XIRP2: variants seen among roughly 807,000 people sequenced by gnomAD.
XIRP2 encodes the protein xin actin-binding repeat-containing protein 2.
Under a neutral mutation model 277.0 loss-of-function variants are expected in XIRP2, and 236 were observed. The ratio of observed to expected loss-of-function variants is 0.85; its 90% confidence interval spans 0.77 to 0.95. The LOEUF (loss-of-function observed/expected upper bound fraction) is 0.95. XIRP2 is among the 40% of genes least tolerant of loss of function. The pLI is 0.00. For synonymous variants in XIRP2, 1,490 were observed against 1,416.5 expected (o/e 1.05, Z -1.17); for missense variants, 4,640 against 4,157.5 (o/e 1.12, Z -3.19).
At chr2:167,156,673 C>T (rs181935926) in intron 3 of XIRP2, among the ~76,000 whole-genome samples, 83 of 152,224 alleles carry the variant, frequency 5.5e-4, no homozygotes, top group African/African-American at 1.9e-3. Context: ...GATTATGCTT[C>T]GCAGGCATAA....
At chr2:166,961,479 C>G (rs987308908) in intron 2 of XIRP2, among the ~76,000 whole-genome samples, 6 of 151,656 alleles carry the variant, frequency 4.0e-5, no homozygotes, top group African/African-American at 1.5e-4. Flanking sequence ...GCTGAATTAG[C>G]CTTCAAACAG....
At chr2:166,914,248 A>G (rs996735594) in intron 2 of XIRP2, among the ~76,000 whole-genome samples, 14 of 152,198 alleles carry the variant, frequency 9.2e-5, no homozygotes, top group African/African-American at 2.9e-4. Context: ...ATGCTCCCCA[A>G]GGGCTTTGGA....
At chr2:166,906,334 A>T (rs1459724916) in intron 2 of XIRP2, among the ~76,000 whole-genome samples, 1 of 152,082 alleles carries the variant, frequency 6.6e-6, no homozygotes, top group Non-Finnish European at 1.5e-5. Flanking sequence ...TATCGTGTAT[A>T]TGTACATCTA....
chr2:166,959,794 C>G (rs1430611465), intron 2 of XIRP2, among the ~76,000 whole-genome samples: 6 of 151,648 alleles, frequency 4.0e-5, no homozygotes, highest in Non-Finnish European at 5.9e-5. Flanking sequence ...GGTTAAACAT[C>G]TTCTATTTGA....
intron 3 of XIRP2, among the ~76,000 whole-genome samples, chr2:167,155,587 G>A (rs568318376): frequency 2.0e-5 from 3 of 152,034 alleles, no homozygotes; most frequent in Non-Finnish European, 4.4e-5. Flanking sequence ...GGTATTGATG[G>A]GACGTATCTC....
intron 2 of XIRP2, among the ~76,000 whole-genome samples, chr2:166,909,388 G>T (rs1684633396): frequency 6.6e-6 from 1 of 152,078 alleles, no homozygotes; most frequent in South Asian, 2.1e-4. Context: ...ATTGTGAATG[G>T]GAGTTCACTC....
intron 2 of XIRP2, among the ~76,000 whole-genome samples, chr2:167,025,217 T>G (rs537934596): frequency 3.3e-5 from 5 of 152,218 alleles, no homozygotes; most frequent in African/African-American, 1.2e-4. Flanking sequence ...ATCCATTTCT[T>G]CTAGATTTTC....
At chr2:167,033,335 T>C (rs1453649913) in intron 2 of XIRP2, among the ~76,000 whole-genome samples, 1 of 152,040 alleles carries the variant, frequency 6.6e-6, no homozygotes, top group African/African-American at 2.4e-5. Flanking sequence ...AAATACCTAA[T>C]GTAGATGAGG....
chr2:166,983,948 C>T (rs1254668367), intron 2 of XIRP2, among the ~76,000 whole-genome samples: 1 of 152,104 alleles, frequency 6.6e-6, no homozygotes, highest in African/African-American at 2.4e-5. Flanking sequence ...TTTGCTAGTT[C>T]CTTCAACCAG....
intron 3 of XIRP2, among the ~76,000 whole-genome samples, chr2:167,208,826 T>A (rs1002027090): frequency 1.3e-5 from 2 of 152,174 alleles, no homozygotes; most frequent in African/African-American, 4.8e-5. Flanking sequence ...CAAAATAAAA[T>A]TTATATTTTA....
At chr2:167,255,090 C>G (rs1296438114) in intron 10 of XIRP2, among the ~76,000 whole-genome samples, 1 of 151,692 alleles carries the variant, frequency 6.6e-6, no homozygotes. Context: ...GTGGGGGACT[C>G]TCTGTCCATT....
chr2:167,217,456 A>G (rs6759681), intron 4 of XIRP2, among the ~76,000 whole-genome samples: 22,881 of 151,870 alleles, frequency 0.15, 2,131 homozygotes, highest in African/African-American at 0.27. Context: ...CTGTTCTTTG[A>G]GGACAGTAAT....
intron 2 of XIRP2, among the ~76,000 whole-genome samples, chr2:167,132,122 A>G (rs1034760011): frequency 2.0e-5 from 3 of 151,936 alleles, no homozygotes; most frequent in African/African-American, 4.8e-5. Context: ...GGCCATCTCC[A>G]TCATCATTCT....
chr2:167,040,131 A>G (rs181566371), intron 2 of XIRP2, among the ~76,000 whole-genome samples: 1 of 152,104 alleles, frequency 6.6e-6, no homozygotes, highest in Non-Finnish European at 1.5e-5. Context: ...ACAGCCATTT[A>G]ATTTCAAAAG....
At position 167,247,862 on chromosome 2, in the gene XIRP2, A is replaced by G. The variant is rs191086859; in HGVS notation, c.6470A>G (p.Gln2157Arg). The change falls in exon 9 of 11, where the codon CAA becomes CGA. Residue 2157 changes from glutamine (Q) to arginine (R), a missense_variant. Transcript: ENST00000409195. ...AATATTAAAATATTAACTGATACAC[A>G]AAGCTCCAAGCCCAGTCCCACCCAG... is the stretch of plus-strand genomic sequence containing the variant. ...TKNIKILTDT[Q>R]SSKPSPTQHP... 3.1e-6 allele frequency: 5 copies of G among 1,613,618 alleles called. No individual in the cohort carries two copies. The African/African-American group carries it at 6.7e-5, about 22-fold the overall frequency.
At chr2:167,214,013 G>C (rs1420471652) in intron 4 of XIRP2, among the ~76,000 whole-genome samples, 1 of 149,944 alleles carries the variant, frequency 6.7e-6, no homozygotes, top group Non-Finnish European at 1.5e-5. Context: ...GAGGTCAGCA[G>C]TTCAAGACCA....
intron 2 of XIRP2, among the ~76,000 whole-genome samples, chr2:166,940,280 A>G (rs1558924011): frequency 2.0e-5 from 3 of 152,118 alleles, no homozygotes; most frequent in Middle Eastern, 3.2e-3. Context: ...TTCTCATGCC[A>G]TGGTTTTCAG....
At chr2:167,211,462 AT>A (rs1559022547) in intron 4 of XIRP2, among the ~76,000 whole-genome samples, 1 of 152,232 alleles carries the variant, frequency 6.6e-6, no homozygotes, top group Non-Finnish European at 1.5e-5. Flanking sequence ...ATCATCATTT[AT>A]CACACAGAGT....
At chr2:167,133,009 A>G (rs1224376503) in intron 2 of XIRP2, among the ~76,000 whole-genome samples, 2 of 152,190 alleles carry the variant, frequency 1.3e-5, no homozygotes, top group Admixed American at 6.5e-5. Context: ...GTTGTTGAAC[A>G]TTAGGTGTTC....
Sources: allele counts gnomAD v4.1 joint callset (sites outside exome capture counted in the v4.1 genomes callset), GRCh38; gene constraint gnomAD v4.1.1; transcripts MANE v1.5; gene names NCBI Gene and HGNC (gene_info 2026-07-23, HGNC 2026-07-21).